RMI1: variants seen among roughly 807,000 people sequenced by gnomAD.
The protein encoded by RMI1 is recQ-mediated genome instability protein 1.
In RMI1, 36 loss-of-function variants were observed where a neutral mutation model predicts 46.7. That is an observed-to-expected ratio of 0.77 (90% CI 0.59 to 1.02). The LOEUF is 1.02. Ranked by LOEUF, RMI1 falls within the 50% of genes least tolerant of loss-of-function variation. The pLI is 0.00. For missense variants in RMI1, 676 were observed against 713.7 expected, an observed-to-expected ratio of 0.95 and a Z score of 0.60; for synonymous variants, 250 against 252.9, an observed-to-expected ratio of 0.99 and a Z score of 0.11.
At chr9:83,980,460 T>C (rs531147322), upstream of RMI1, 3 of 152,834 alleles carry the variant, frequency 2.0e-5, no homozygotes, top group African/African-American at 7.2e-5. Flanking sequence ...GCCCCAACCC[T>C]TACCCGAATC....
chr9:83,985,415 A>G (rs553208467), intron 1 of RMI1, among the ~76,000 whole-genome samples: 9 of 152,314 alleles, frequency 5.9e-5, no homozygotes, highest in African/African-American at 1.9e-4. Flanking sequence ...ATTTGAGAAT[A>G]GTTGTATTGG....
At chr9:83,986,951 A>G (rs948349520) in intron 1 of RMI1, among the ~76,000 whole-genome samples, 1 of 152,214 alleles carries the variant, frequency 6.6e-6, no homozygotes, top group African/African-American at 2.4e-5. Context: ...TTTGAAAATT[A>G]TACTAGGTCC....
At chr9:83,994,681 G>A (rs762576585) in intron 1 of RMI1, among the ~76,000 whole-genome samples, 2 of 152,078 alleles carry the variant, frequency 1.3e-5, no homozygotes, top group Admixed American at 6.6e-5. Flanking sequence ...ATCACACCTG[G>A]CTGATTTTTG....
In RMI1 at chr9:84,002,168, T is replaced by TA; in HGVS notation, c.1183dup (p.Arg395LysfsTer13). 1.2e-6 allele frequency: 2 copies of TA among 1,613,754 alleles called. No homozygotes were observed. Among genetic ancestry groups the TA allele is most frequent in the Non-Finnish European group, 8.5e-7 (1 of 1,179,866 alleles). Reference sequence around the variant, plus strand: ...ACAAATCATTTGGTTGTCCATCTGTTAGAGACCAAAACAGGAGTATTTTTT... The same window carrying TA: ...ACAAATCATTTGGTTGTCCATCTGTTAAGAGACCAAAACAGGAGTATTTTTT... On this transcript the variant is annotated frameshift_variant, in exon 3 of 3. Transcript: ENST00000445877. LOFTEE classifies it high-confidence loss of function.
Position 84,002,684 on chromosome 9 carries a change from G to A in RMI1, c.1698G>A (p.Lys566=), listed in dbSNP as rs763361622. ...FSVPEMKQSK[K]DPLQYQKFLE... ...TACCAGAAATGAAACAGTCAAAAAA[G>A]GATCCTCTTCAATACCAAAAGTTCC... The change falls in exon 3 of 3, where the codon AAG becomes AAA. Residue 566 remains lysine, a synonymous_variant. Coordinates refer to ENST00000445877, the MANE Select transcript of RMI1 (RefSeq NM_001358291.2). 6.8e-6 allele frequency: 11 copies of A among 1,613,722 alleles called. No individual in the cohort carries two copies. The Admixed American group carries it at 1.8e-4, about 27-fold the overall frequency.
At chr9:83,992,283 T>C (rs1957586242) in intron 1 of RMI1, among the ~76,000 whole-genome samples, 1 of 152,204 alleles carries the variant, frequency 6.6e-6, no homozygotes, top group African/African-American at 2.4e-5. Context: ...CCTCATTTAA[T>C]ATATATCATT....
chr9:83,982,548 G>A (rs1050960390), intron 1 of RMI1, among the ~76,000 whole-genome samples: 15 of 152,020 alleles, frequency 9.9e-5, no homozygotes, highest in African/African-American at 3.6e-4. Context: ...GGAGCCTGTA[G>A]TCCCAGCTAC....
chr9:83,992,715 G>A (rs1957592370), intron 1 of RMI1, among the ~76,000 whole-genome samples: 1 of 152,176 alleles, frequency 6.6e-6, no homozygotes, highest in South Asian at 2.1e-4. Context: ...TGTGAATGAA[G>A]ATCAATTATA....
intron 1 of RMI1, among the ~76,000 whole-genome samples, chr9:83,983,847 A>C (rs149549078): frequency 1.3e-5 from 2 of 152,144 alleles, no homozygotes; most frequent in African/African-American, 4.8e-5. Flanking sequence ...ATTAAGCTGT[A>C]TGTAATTTTA....
chr9:83,994,852 C>G (rs1470699858), intron 1 of RMI1, among the ~76,000 whole-genome samples: 3 of 152,020 alleles, frequency 2.0e-5, no homozygotes, highest in Non-Finnish European at 4.4e-5. Flanking sequence ...TTACATCCAG[C>G]TTGTTAGGTC....
intron 1 of RMI1, among the ~76,000 whole-genome samples, chr9:83,999,113 C>T (rs887816372): frequency 6.6e-6 from 1 of 151,172 alleles, no homozygotes; most frequent in African/African-American, 2.4e-5. Context: ...TGCAGTCCAC[C>T]CTGGGCGACA....
In RMI1 at chr9:84,001,047, A is replaced by G. The variant is rs1222980082; in HGVS notation, c.61A>G (p.Lys21Glu). 9.3e-6 allele frequency: 15 copies of G among 1,613,830 alleles called. No individual in the cohort carries two copies. Among genetic ancestry groups the G allele is most frequent in the Non-Finnish European group, 1.1e-5 (13 of 1,179,912 alleles). ...TTGGCTTTTAGCTGCATGGCATGTT[A>G]AAGTACCTCCGATGTGGCTGGAAGC... The part of the protein sequence containing the change: ...ETWLLAAWHV[K>E]VPPMWLEACI... Residue 21 changes from lysine (K) to glutamate (E), a missense_variant, in exon 3 of 3, where the codon AAA (lysine) becomes GAA (glutamate). By Grantham distance (56) the Lys-to-Glu change is moderately conservative. Transcript: ENST00000445877.
At chr9:84,000,808 T>C (rs935156557) in intron 2 of RMI1, 143 bp from the exon 3 acceptor site, 1 of 510,678 alleles carries the variant, frequency 2.0e-6, no homozygotes, top group Non-Finnish European at 3.4e-6. Flanking sequence ...CATCTGATTA[T>C]GTGTAGTGTT....
At chr9:83,987,220 G>A (rs1196808896) in intron 1 of RMI1, among the ~76,000 whole-genome samples, 3 of 151,966 alleles carry the variant, frequency 2.0e-5, no homozygotes, top group Non-Finnish European at 2.9e-5. Flanking sequence ...GTGCCACCAC[G>A]CCCAGCTAAT....
chr9:83,998,260 A>T (rs1957687921), intron 1 of RMI1, among the ~76,000 whole-genome samples: 1 of 152,172 alleles, frequency 6.6e-6, no homozygotes, highest in Non-Finnish European at 1.5e-5. Flanking sequence ...CATATAGTTT[A>T]AAAAATGTTT....
chr9:84,000,276 G>T (rs924808727), intron 2 of RMI1, among the ~76,000 whole-genome samples: 2 of 152,082 alleles, frequency 1.3e-5, no homozygotes, highest in African/African-American at 2.4e-5. Flanking sequence ...TCAGTTATCT[G>T]CAGTCAACCA....
chr9:84,001,613 A>T lies in RMI1; in HGVS notation c.627A>T (p.Arg209Ser). 6.2e-7 allele frequency: 1 copy of T among 1,614,044 alleles called. No individual in the cohort carries two copies. The highest frequency in any genetic ancestry group is 1.1e-5 in the South Asian group (1 of 91,078). The change falls in exon 3 of 3, where the codon AGA becomes AGT. Residue 209 changes from arginine (R) to serine (S), a missense_variant. Coordinates refer to ENST00000445877, the MANE Select transcript of RMI1 (RefSeq NM_001358291.2). ...ATGCCCAAGAAAAAGTACTTGCAAGATTAATAGGGGAACCTGATCTTGTAG... is the reference window on the plus strand; with the variant it reads ...ATGCCCAAGAAAAAGTACTTGCAAGTTTAATAGGGGAACCTGATCTTGTAG... Reference protein sequence around the residue: ...EEYAQEKVLARLIGEPDLVVS... With the variant: ...EEYAQEKVLASLIGEPDLVVS...
intron 1 of RMI1, among the ~76,000 whole-genome samples, chr9:83,993,716 G>A (rs1449622818): frequency 2.0e-5 from 3 of 151,924 alleles, no homozygotes; most frequent in Non-Finnish European, 4.4e-5. Context: ...GTTTTGATTT[G>A]TATTTCTTTT....
At chr9:83,986,210 A>G (rs1957488334) in intron 1 of RMI1, among the ~76,000 whole-genome samples, 1 of 152,240 alleles carries the variant, frequency 6.6e-6, no homozygotes. Flanking sequence ...AAGCTATCAC[A>G]AAGATAAATA....
Sources: gnomAD v4.1 joint callset for allele counts (sites outside exome capture counted in the v4.1 genomes callset) on GRCh38, gnomAD v4.1.1 for gene constraint, MANE v1.5 for transcripts, NCBI Gene and HGNC (gene_info 2026-07-23, HGNC 2026-07-21) for gene names.